Variants in CSMD1 observed in about 807,000 individuals in gnomAD.
CSMD1 encodes the protein CUB and sushi domain-containing protein 1.
In CSMD1, 213 loss-of-function variants were observed where a neutral mutation model predicts 417.5. That is an observed-to-expected ratio of 0.51 (90% CI 0.46 to 0.57). CSMD1 has a LOEUF of 0.57. CSMD1 is among the 20% of genes least tolerant of loss of function. CSMD1 has a pLI of 0.00. For missense variants in CSMD1, 6,923 were observed against 4,529.7 expected, an observed-to-expected ratio of 1.53 and a Z score of -15.17; for synonymous variants, 2,862 against 1,736.8, an observed-to-expected ratio of 1.65 and a Z score of -16.11.
chr8:3,066,169 G>A (rs10096862), intron 49 of CSMD1, among the ~76,000 whole-genome samples: 7,203 of 152,206 alleles, frequency 0.047, 591 homozygotes, highest in African/African-American at 0.16. Flanking sequence ...TTCTAGCATC[G>A]TGTACAATTC....
intron 7 of CSMD1, among the ~76,000 whole-genome samples, chr8:3,663,233 A>G (rs1011106845): frequency 2.6e-5 from 4 of 152,176 alleles, no homozygotes; most frequent in Admixed American, 1.3e-4. Context: ...CAAAGAGTTG[A>G]AGAGGCCGTT....
chr8:4,839,724 A>C (rs546669899), intron 1 of CSMD1, among the ~76,000 whole-genome samples: 13 of 152,334 alleles, frequency 8.5e-5, no homozygotes, highest in African/African-American at 3.1e-4. Flanking sequence ...TTTTGGTAAT[A>C]ACTATACAAA....
intron 10 of CSMD1, among the ~76,000 whole-genome samples, chr8:3,568,146 A>G (rs191651279): frequency 6.6e-6 from 1 of 152,328 alleles, no homozygotes; most frequent in Admixed American, 6.5e-5. Flanking sequence ...ATACTTGAAA[A>G]TTCATATGAA....
At chr8:3,453,781 A>G (rs907379388) in intron 12 of CSMD1, among the ~76,000 whole-genome samples, 3 of 152,190 alleles carry the variant, frequency 2.0e-5, no homozygotes, top group Non-Finnish European at 2.9e-5. Context: ...AAAAGAATAT[A>G]TATTCTATTG....
chr8:3,008,660 C>T (rs1016164511), intron 52 of CSMD1, among the ~76,000 whole-genome samples: 13 of 152,132 alleles, frequency 8.5e-5, no homozygotes, highest in South Asian at 2.1e-4. Flanking sequence ...TTCTGGAAAG[C>T]GGTTCTACAA....
At position 4,914,960 on chromosome 8, in the gene CSMD1, G is replaced by A. The variant is rs554307370; in HGVS notation, c.85+79372C>T. Among the ~76,000 whole-genome samples the A allele has an allele frequency of 4.6e-5, 7 of 152,256 alleles. No individual in the cohort carries two copies. In the Middle Eastern group the frequency reaches 0.01, roughly 222 times the overall value. On this transcript the variant is annotated intron_variant, in intron 1 of 69. Coordinates refer to ENST00000635120, the MANE Select transcript of CSMD1 (RefSeq NM_033225.6). ...AAGAAAATGATGATGATGATGAAACGCATTCCGTTTCATGTGAAATTACCA... is the reference window on the plus strand; with the variant it reads ...AAGAAAATGATGATGATGATGAAACACATTCCGTTTCATGTGAAATTACCA...
intron 3 of CSMD1, among the ~76,000 whole-genome samples, chr8:4,079,671 C>G (rs570080587): frequency 6.6e-6 from 1 of 152,194 alleles, no homozygotes; most frequent in Admixed American, 6.5e-5. Flanking sequence ...CTTGTGGGTT[C>G]ACATTAATTT....
chr8:3,912,849 C>T (rs1468625746), intron 5 of CSMD1, among the ~76,000 whole-genome samples: 7 of 152,078 alleles, frequency 4.6e-5, no homozygotes, highest in African/African-American at 1.4e-4. Flanking sequence ...GTTGAGAGTT[C>T]TGGAGGGGGC....
intron 2 of CSMD1, among the ~76,000 whole-genome samples, chr8:4,514,950 C>G (rs899661536): frequency 6.6e-6 from 1 of 152,096 alleles, no homozygotes; most frequent in Non-Finnish European, 1.5e-5. Flanking sequence ...CATATCTCAC[C>G]CAAGATTTTT....
In CSMD1 at chr8:3,199,707, C is replaced by T. The variant is rs533510645; in HGVS notation, c.5194+7G>A. On this transcript the variant is annotated splice_region_variant and intron_variant, in intron 33 of 69. Coordinates refer to ENST00000635120, the MANE Select transcript of CSMD1 (RefSeq NM_033225.6). ...TGACATGTGGAGACATGTGGAGTGACGCTTACCTTGATACACGAAGTGGAA... is the reference window on the plus strand; with the variant it reads ...TGACATGTGGAGACATGTGGAGTGATGCTTACCTTGATACACGAAGTGGAA... 29 of 1,569,076 alleles carry T rather than the reference C, an allele frequency of 1.8e-5. No homozygotes were observed. Among genetic ancestry groups the T allele is most frequent in the Middle Eastern group, 1.7e-4 (1 of 6,022 alleles).
intron 1 of CSMD1, among the ~76,000 whole-genome samples, chr8:4,733,861 T>C (rs894546834): frequency 6.6e-6 from 1 of 152,188 alleles, no homozygotes; most frequent in African/African-American, 2.4e-5. Flanking sequence ...AGTCAATTTA[T>C]TTCTATTTCT....
At chr8:3,585,813 G>A (rs762383159) in intron 9 of CSMD1, among the ~76,000 whole-genome samples, 11 of 152,068 alleles carry the variant, frequency 7.2e-5, no homozygotes, top group Non-Finnish European at 1.0e-4. Context: ...AAACCTTTCC[G>A]GCAGGTCCAG....
At chr8:4,971,953 T>C (rs746644808) in intron 1 of CSMD1, among the ~76,000 whole-genome samples, 1 of 152,030 alleles carries the variant, frequency 6.6e-6, no homozygotes, top group Non-Finnish European at 1.5e-5. Context: ...ACATCATGCA[T>C]TTGAAGGATA....
intron 2 of CSMD1, among the ~76,000 whole-genome samples, chr8:4,472,499 T>A (rs925929739): frequency 6.6e-5 from 10 of 152,130 alleles, no homozygotes; most frequent in Non-Finnish European, 1.3e-4. Flanking sequence ...ACCTTATTTA[T>A]GCTTTGTAAA....
At chr8:4,810,462 G>C (rs556482787) in intron 1 of CSMD1, among the ~76,000 whole-genome samples, 3 of 152,158 alleles carry the variant, frequency 2.0e-5, no homozygotes, top group South Asian at 2.1e-4. Flanking sequence ...TTGCCACCTA[G>C]TACCACCCGA....
At chr8:3,648,383 T>G (rs1797683086) in intron 7 of CSMD1, among the ~76,000 whole-genome samples, 1 of 152,214 alleles carries the variant, frequency 6.6e-6, no homozygotes, top group Non-Finnish European at 1.5e-5. Flanking sequence ...ATTAAGACTT[T>G]GTGAGACTGA....
intron 3 of CSMD1, among the ~76,000 whole-genome samples, chr8:4,127,579 C>A (rs1802841676): frequency 6.6e-6 from 1 of 151,524 alleles, no homozygotes; most frequent in Non-Finnish European, 1.5e-5. Context: ...GAGGGATTTT[C>A]TAATTGTTTC....
chr8:4,461,507 A>T (rs1799815146), intron 2 of CSMD1, among the ~76,000 whole-genome samples: 1 of 149,190 alleles, frequency 6.7e-6, no homozygotes, highest in Non-Finnish European at 1.5e-5. Context: ...CAGCAAGGTT[A>T]CAGAGTAGAA....
chr8:4,078,925 ATATATATATATATATATG>A (rs1338432986), intron 3 of CSMD1, among the ~76,000 whole-genome samples: 741 of 26,738 alleles, frequency 0.028, 11 homozygotes, highest in Non-Finnish European at 0.059. Context: ...ATATATATAT[ATATATATATATATATATG>A]TATGTTGAAA....
Sources: allele counts gnomAD v4.1 joint callset (sites outside exome capture counted in the v4.1 genomes callset), GRCh38; gene constraint gnomAD v4.1.1; transcripts MANE v1.5; gene names NCBI Gene and HGNC (gene_info 2026-07-23, HGNC 2026-07-21).